PTPRN2: variants seen among roughly 807,000 people sequenced by gnomAD.
PTPRN2 encodes protein tyrosine phosphatase receptor type N2, also known as receptor-type tyrosine-protein phosphatase N2.
In PTPRN2, 74 loss-of-function variants were observed where a neutral mutation model predicts 118.8. The ratio of observed to expected loss-of-function variants is 0.62; its 90% CI spans 0.52 to 0.76. PTPRN2 has a LOEUF of 0.76. Ranked by LOEUF, PTPRN2 falls within the 30% of genes least tolerant of loss-of-function variation. PTPRN2 has a pLI of 0.00. For missense variants in PTPRN2, 1,481 were observed against 1,394.4 expected (o/e 1.06, Z -0.99); for synonymous variants, 641 against 608.0 (o/e 1.05, Z -0.80).
intron 8 of PTPRN2, 134 bp from the exon 9 acceptor site, chr7:158,134,193 G>A (rs947966514): frequency 9.9e-7 from 1 of 1,013,392 alleles, no homozygotes; most frequent in Non-Finnish European, 1.4e-6. Context: ...TGGGAGGAAG[G>A]CGAAGTGTGT....
At chr7:158,387,967 C>T (rs1044120901) in intron 2 of PTPRN2, among the ~76,000 whole-genome samples, 1 of 152,174 alleles carries the variant, frequency 6.6e-6, no homozygotes, top group Non-Finnish European at 1.5e-5. Flanking sequence ...TCTCTATTTA[C>T]ACACACATAT....
In PTPRN2 at chr7:158,132,177, CAT is replaced by C. The variant is rs200004820; in HGVS notation, c.1556+1498_1556+1499del. Reference sequence around the variant, plus strand: ...GATACACATCTACCAAACACACACACATATACACACACACGCACAGATACACA... The same window carrying C: ...GATACACATCTACCAAACACACACACATACACACACACGCACAGATACACA... On this transcript the variant is annotated intron_variant, in intron 9 of 22. Transcript: ENST00000389418. 3.9e-3 allele frequency among the ~76,000 whole-genome samples: 591 copies of C among 151,202 alleles called. 17 individuals carry two copies. The East Asian group carries it at 0.088, about 23-fold the overall frequency.
chr7:158,271,428 A>C (rs958092815), intron 3 of PTPRN2, among the ~76,000 whole-genome samples: 2 of 152,224 alleles, frequency 1.3e-5, no homozygotes, highest in African/African-American at 4.8e-5. Context: ...GAAAAGCCAC[A>C]ATCAACGCTA....
intron 10 of PTPRN2, among the ~76,000 whole-genome samples, chr7:158,083,846 G>A (rs1330645988): frequency 1.3e-5 from 2 of 150,210 alleles, no homozygotes; most frequent in African/African-American, 4.9e-5. Flanking sequence ...AACCCTGTGG[G>A]AGGACGGGGC....
intron 11 of PTPRN2, among the ~76,000 whole-genome samples, chr7:158,026,931 C>T (rs1488459944): frequency 1.3e-5 from 2 of 152,272 alleles, no homozygotes; most frequent in Non-Finnish European, 2.9e-5. Context: ...TGTCAGTTGG[C>T]ACTGCCCTAG....
At chr7:157,673,306 G>A (rs1394576366) in intron 13 of PTPRN2, among the ~76,000 whole-genome samples, 1 of 152,158 alleles carries the variant, frequency 6.6e-6, no homozygotes, top group Non-Finnish European at 1.5e-5. Flanking sequence ...TTACAGGTGA[G>A]CCCCTGTGCC....
At chr7:157,937,415 C>T (rs897953273) in intron 11 of PTPRN2, among the ~76,000 whole-genome samples, 7 of 152,212 alleles carry the variant, frequency 4.6e-5, no homozygotes, top group African/African-American at 1.7e-4. Flanking sequence ...ATGAAAGGTG[C>T]GGGAATAGGC....
rs1299673755 is a variant in PTPRN2 at position 157,868,459 on chromosome 7, A to C, written c.1788+30214T>G. 2 of 152,268 alleles carry C rather than the reference A, an allele frequency of 1.3e-5. No homozygotes were observed. Among genetic ancestry groups the C allele is most frequent in the African/African-American group, 4.8e-5 (2 of 41,448 alleles). 9.4% of individuals were successfully genotyped at this position (152,268 alleles called of 1,614,324 possible). Reference sequence around the variant, plus strand: ...TCTGGATTAAAACCATGCCTGGAGGAAACTGGCCTTGTGAGTGTCAGGGCT... The same window carrying C: ...TCTGGATTAAAACCATGCCTGGAGGCAACTGGCCTTGTGAGTGTCAGGGCT... On this transcript the variant is annotated intron_variant, in intron 12 of 22. Transcript: ENST00000389418. The surrounding 1 kb of genome is among the most constrained non-coding windows in gnomAD (Gnocchi z 5.2).
intron 9 of PTPRN2, among the ~76,000 whole-genome samples, chr7:158,112,861 G>T (rs1299028308): frequency 6.6e-6 from 1 of 152,274 alleles, no homozygotes; most frequent in East Asian, 1.9e-4. Context: ...CCACAGCAGG[G>T]CGTCCAGGCT....
intron 2 of PTPRN2, among the ~76,000 whole-genome samples, chr7:158,452,079 C>T (rs968826416): frequency 6.6e-6 from 1 of 152,262 alleles, no homozygotes; most frequent in South Asian, 2.1e-4. Flanking sequence ...TACCCATACG[C>T]ATTTGGGTCT....
chr7:158,464,010 T>C (rs1733151), intron 2 of PTPRN2, among the ~76,000 whole-genome samples: 536 of 15,154 alleles, frequency 0.035, 19 homozygotes, highest in Middle Eastern at 0.083. Context: ...TCCTTCATCA[T>C]CACCATCATC....
intron 3 of PTPRN2, among the ~76,000 whole-genome samples, chr7:158,263,700 G>T (rs1797687789): frequency 6.6e-6 from 1 of 152,206 alleles, no homozygotes; most frequent in Non-Finnish European, 1.5e-5. Context: ...CACAGCCATG[G>T]GTGGGCGCCC....
chr7:157,838,466 G>A, intron 12 of PTPRN2, among the ~76,000 whole-genome samples: 1 of 92,190 alleles, frequency 1.1e-5, no homozygotes, highest in Non-Finnish European at 2.2e-5. Flanking sequence ...CTCTCATAGT[G>A]GATGGCACGG....
At chr7:158,433,039 A>G (rs1046445430) in intron 2 of PTPRN2, among the ~76,000 whole-genome samples, 11 of 152,224 alleles carry the variant, frequency 7.2e-5, no homozygotes, top group South Asian at 2.1e-4. Context: ...GGTCCGTGGA[A>G]TCACACTCTC....
At chr7:157,755,735 T>C (rs1801742874) in intron 12 of PTPRN2, among the ~76,000 whole-genome samples, 1 of 149,166 alleles carries the variant, frequency 6.7e-6, no homozygotes, top group Non-Finnish European at 1.5e-5. Context: ...AGGGAGGGGG[T>C]AGGAAGGGGA....
chr7:158,192,605 G>C, intron 4 of PTPRN2, 110 bp from the exon 5 acceptor site: 1 of 1,284,774 alleles, frequency 7.8e-7, no homozygotes, highest in Non-Finnish European at 1.0e-6. Flanking sequence ...CCGGGCTCTC[G>C]GTGGCCGGCC....
At chr7:158,332,238 T>C (rs1804621405) in intron 2 of PTPRN2, among the ~76,000 whole-genome samples, 1 of 145,564 alleles carries the variant, frequency 6.9e-6, no homozygotes, top group Non-Finnish European at 1.5e-5. Context: ...CCATAAGAGC[T>C]GACACCCGCA....
chr7:158,228,464 A>T (rs1360141080), intron 3 of PTPRN2, among the ~76,000 whole-genome samples: 1 of 151,972 alleles, frequency 6.6e-6, no homozygotes, highest in Non-Finnish European at 1.5e-5. Flanking sequence ...ATTCCACTAC[A>T]CCTGTTGGAA....
chr7:158,139,353 G>GTAC (rs1819153190), intron 6 of PTPRN2, among the ~76,000 whole-genome samples: 1 of 152,082 alleles, frequency 6.6e-6, no homozygotes, highest in African/African-American at 2.4e-5. Context: ...TCCATTACGG[G>GTAC]TGGACATAAC....
Sources: gnomAD v4.1 joint callset for allele counts (sites outside exome capture counted in the v4.1 genomes callset) on GRCh38, gnomAD v4.1.1 for gene constraint, Gnocchi (gnomAD v3.1) non-coding constraint, MANE v1.5 for transcripts, NCBI Gene and HGNC (gene_info 2026-07-23, HGNC 2026-07-21) for gene names.